Variants in EFCAB8 observed in about 807,000 individuals in gnomAD.
EFCAB8 encodes the protein EF-hand calcium-binding domain-containing protein 8.
In EFCAB8, 100 loss-of-function variants were observed where a neutral mutation model predicts 116.3. The ratio of observed to expected loss-of-function variants is 0.86; its 90% confidence interval spans 0.73 to 1.02. EFCAB8 has a LOEUF of 1.02. Among genes scored for constraint, EFCAB8 ranks in the 50% least tolerant of loss-of-function variants. The probability of loss-of-function intolerance (pLI) is 0.00; values close to 1 mark genes in which losing one functional copy is unlikely to be tolerated. For missense variants in EFCAB8, 1,320 were observed against 1,416.9 expected (o/e 0.93, Z 1.10); for synonymous variants, 558 against 567.9 (o/e 0.98, Z 0.25).
chr20:32,915,076 AT>A (rs970936753), intron 17 of EFCAB8, among the ~76,000 whole-genome samples: 2 of 151,756 alleles, frequency 1.3e-5, no homozygotes, highest in Admixed American at 6.6e-5. Flanking sequence ...TAAAAAAAAA[AT>A]TTTTTTATAG....
intron 23 of EFCAB8, among the ~76,000 whole-genome samples, chr20:32,955,504 T>A (rs1227784648): frequency 6.6e-6 from 1 of 152,194 alleles, no homozygotes; most frequent in Non-Finnish European, 1.5e-5. Flanking sequence ...TGCGCTGCTG[T>A]ACTCCAGCTT....
In EFCAB8 at chr20:32,959,809, T is replaced by C. The variant is rs1178946197; in HGVS notation, c.3121T>C (p.Tyr1041His). The change falls in exon 25 of 27, where the codon TAC (tyrosine) becomes CAC (histidine). Residue 1041 changes from tyrosine to histidine, a missense_variant. By Grantham distance (83) the Tyr-to-His change is moderately conservative. Transcript: ENST00000400522. ...GCGGGATCTGGCTGAGGCCCTGATATACCAGCGGCGAGAGCAGGCGGCGCT... is the reference window on the plus strand; with the variant it reads ...GCGGGATCTGGCTGAGGCCCTGATACACCAGCGGCGAGAGCAGGCGGCGCT... ...EQRDLAEALI[Y>H]QRREQAALMA... 4 of 1,523,436 alleles carry C rather than the reference T, an allele frequency of 2.6e-6. No individual in the cohort carries two copies. The highest frequency in any genetic ancestry group is 2.7e-6 in the Non-Finnish European group (3 of 1,131,338). The allele number at this position is 1,523,436 out of a possible 1,614,324, so 94.4% of individuals were successfully genotyped here.
At chr20:32,907,295 A>G (rs1986722965) in intron 13 of EFCAB8, among the ~76,000 whole-genome samples, 1 of 152,244 alleles carries the variant, frequency 6.6e-6, no homozygotes, top group Admixed American at 6.5e-5. Flanking sequence ...GAGAACCAGC[A>G]GCAAAACAGC....
chr20:32,911,261 A>G (rs1011884335), intron 15 of EFCAB8, among the ~76,000 whole-genome samples: 2 of 152,224 alleles, frequency 1.3e-5, no homozygotes, highest in African/African-American at 2.4e-5. Context: ...CTGAGTTAAC[A>G]GGTCTTCACC....
At position 32,939,887 on chromosome 20, in the gene EFCAB8, G is replaced by A. The variant is rs1166728603; in HGVS notation, c.2791-3749G>A. ...TTTTTGTATTTTCAGTAGAGATGGGGTTTTGCCATGTTGGCCAAGCTGGTC... is the reference window on the plus strand; with the variant it reads ...TTTTTGTATTTTCAGTAGAGATGGGATTTTGCCATGTTGGCCAAGCTGGTC... On this transcript the variant is annotated intron_variant, in intron 22 of 26. Coordinates refer to ENST00000400522, the MANE Select transcript of EFCAB8 (RefSeq NM_001143967.2). Among the ~76,000 whole-genome samples, 6 of 147,478 alleles carry A rather than the reference G, an allele frequency of 4.1e-5. 1 individual carries two copies. Among genetic ancestry groups the A allele is most frequent in the African/African-American group, 1.5e-4 (6 of 39,398 alleles).
chr20:32,937,839 G>C (rs1276304786), intron 22 of EFCAB8, among the ~76,000 whole-genome samples: 1 of 149,250 alleles, frequency 6.7e-6, no homozygotes, highest in Non-Finnish European at 1.5e-5. Context: ...GGCTGGTCTC[G>C]AACTCCCAAC....
At chr20:32,960,700 T>G (rs149805049) in intron 26 of EFCAB8, among the ~76,000 whole-genome samples, 1 of 152,134 alleles carries the variant, frequency 6.6e-6, no homozygotes, top group Non-Finnish European at 1.5e-5. Flanking sequence ...TTGTGGGAGC[T>G]CCCTCCTCCC....
At position 32,959,912 on chromosome 20, in the gene EFCAB8, C is replaced by T. The variant is rs771725615; in HGVS notation, c.3224C>T (p.Pro1075Leu). The change falls in exon 25 of 27, where the codon CCG (proline) becomes CTG (leucine). Residue 1075 changes from proline (P) to leucine (L), a missense_variant. Transcript: ENST00000400522. Reference protein sequence around the residue: ...AKLQKMALMSPWAGERPLEDI... With the variant: ...AKLQKMALMSLWAGERPLEDI... ...CTGCAGAAGATGGCCCTGATGTCCCCGTGGGCCGGAGAGCGCCCCCTGGAA... is the reference window on the plus strand; with the variant it reads ...CTGCAGAAGATGGCCCTGATGTCCCTGTGGGCCGGAGAGCGCCCCCTGGAA... 46 of 1,551,506 alleles carry T rather than the reference C, an allele frequency of 3.0e-5. No homozygotes were observed. The highest frequency in any genetic ancestry group is 3.3e-4 in the Middle Eastern group (2 of 6,014).
chr20:32,900,361 T>C (rs1049876499), intron 11 of EFCAB8, among the ~76,000 whole-genome samples: 2 of 151,998 alleles, frequency 1.3e-5, no homozygotes, highest in Admixed American at 6.6e-5. Context: ...AGTGCCTTTT[T>C]TTGTTTTGTT....
intron 15 of EFCAB8, among the ~76,000 whole-genome samples, chr20:32,910,156 C>T (rs1250692420): frequency 1.3e-5 from 2 of 152,180 alleles, no homozygotes; most frequent in Admixed American, 6.5e-5. Flanking sequence ...GCCATGGGAT[C>T]GCCTAACTCC....
chr20:32,912,607 C>T (rs1278235167), intron 16 of EFCAB8, among the ~76,000 whole-genome samples, 187 bp from the exon 17 acceptor site: 1 of 152,106 alleles, frequency 6.6e-6, no homozygotes, highest in Non-Finnish European at 1.5e-5. Context: ...TCTCACTCCC[C>T]TAAGTCCATC....
chr20:32,918,514 G>T lies in EFCAB8; in HGVS notation c.2214G>T (p.Ser738=). The T allele has an allele frequency of 6.4e-7, 1 of 1,551,684 alleles. No homozygotes were observed. The highest frequency in any genetic ancestry group is 8.7e-7 in the Non-Finnish European group (1 of 1,146,984). The part of the protein sequence containing the change: ...ANTNLRRSLV[S]APPVMRCPRD... ...CCAACCTGAGGCGGAGCCTGGTGTC[G>T]GCTCCCCCAGTGATGCGGTGCCCGA... Residue 738 remains serine (S), a synonymous_variant, in exon 19 of 27, where the codon TCG becomes TCT. Coordinates refer to ENST00000400522, the MANE Select transcript of EFCAB8 (RefSeq NM_001143967.2).
intron 2 of EFCAB8, among the ~76,000 whole-genome samples, chr20:32,866,172 C>CTCAG (rs1984391160): frequency 6.6e-6 from 1 of 152,174 alleles, no homozygotes; most frequent in Non-Finnish European, 1.5e-5. Context: ...GTGCCTAGCA[C>CTCAG]TCAGTCAATG....
At chr20:32,939,204 CTCT>C (rs1988300138) in intron 22 of EFCAB8, among the ~76,000 whole-genome samples, 1 of 54,426 alleles carries the variant, frequency 1.8e-5, no homozygotes, top group African/African-American at 6.2e-5. Flanking sequence ...TCTTTCTTTC[CTCT>C]CTCTCTCTCT....
chr20:32,949,091 T>C (rs1988719234), intron 23 of EFCAB8, among the ~76,000 whole-genome samples: 1 of 152,218 alleles, frequency 6.6e-6, no homozygotes, highest in Non-Finnish European at 1.5e-5. Flanking sequence ...CAGTGGATTT[T>C]ACTAAAAAGA....
chr20:32,872,639 C>T (rs1180273295), intron 3 of EFCAB8, among the ~76,000 whole-genome samples: 1 of 151,654 alleles, frequency 6.6e-6, no homozygotes, highest in African/African-American at 2.4e-5. Flanking sequence ...ACTAAAAATA[C>T]AAAAATTAGC....
intron 20 of EFCAB8, among the ~76,000 whole-genome samples, chr20:32,925,814 G>C (rs112821986): frequency 1.4e-4 from 21 of 152,358 alleles, no homozygotes; most frequent in Middle Eastern, 3.4e-3. Context: ...CCATTAACCC[G>C]CTGTGGTTGA....
chr20:32,939,402 C>T (rs1227653315), intron 22 of EFCAB8, among the ~76,000 whole-genome samples: 1 of 146,562 alleles, frequency 6.8e-6, no homozygotes, highest in Non-Finnish European at 1.5e-5. Flanking sequence ...CCTGCCTCAG[C>T]CTCCCAAGTA....
chr20:32,927,740 T>C (rs1015590547), intron 20 of EFCAB8, among the ~76,000 whole-genome samples: 7 of 152,238 alleles, frequency 4.6e-5, no homozygotes, highest in African/African-American at 7.2e-5. Flanking sequence ...GCCCACATTT[T>C]GTACAGTGAG....
Sources: allele counts gnomAD v4.1 joint callset (sites outside exome capture counted in the v4.1 genomes callset), GRCh38; gene constraint gnomAD v4.1.1; transcripts MANE v1.5; gene names NCBI Gene and HGNC (gene_info 2026-07-23, HGNC 2026-07-21).